Variants in SYPL1 observed in about 807,000 individuals in gnomAD.
The protein encoded by SYPL1 is synaptophysin-like protein 1.
In SYPL1, 6 loss-of-function variants were observed where a neutral mutation model predicts 23.7. That is an observed-to-expected ratio of 0.25 (90% CI 0.14 to 0.50). SYPL1 has a LOEUF of 0.50. Ranked by LOEUF, SYPL1 falls within the 20% of genes least tolerant of loss-of-function variation. The pLI is 0.98. For synonymous variants in SYPL1, 102 were observed against 104.5 expected, an observed-to-expected ratio of 0.98 and a Z score of 0.15; for missense variants, 253 against 288.9, an observed-to-expected ratio of 0.88 and a Z score of 0.90.
In SYPL1 at chr7:106,097,626, A is replaced by C. The variant is rs1840083780; in HGVS notation, c.402+64T>G. ...CACCAAGAATTTTTATTTCCAGTATAAGAAAATCTATATTTAGCTTATACA... is the reference window on the plus strand; with the variant it reads ...CACCAAGAATTTTTATTTCCAGTATCAGAAAATCTATATTTAGCTTATACA... On this transcript the variant is annotated intron_variant, in intron 3 of 4. Coordinates refer to ENST00000455385, the MANE Select transcript of SYPL1 (RefSeq NM_182715.4). This position sits in a 1 kb window ranked among gnomAD's most constrained non-coding sequence, Gnocchi z 4.6. 2 of 1,407,612 alleles carry C rather than the reference A, an allele frequency of 1.4e-6. No homozygotes were observed. The highest frequency in any genetic ancestry group is 2.3e-5 in the Admixed American group (1 of 42,834). The allele number at this position is 1,407,612 out of a possible 1,614,324, so 87.2% of individuals were successfully genotyped here.
intron 1 of SYPL1, among the ~76,000 whole-genome samples, chr7:106,108,387 T>TA (rs1167203585): frequency 6.6e-6 from 1 of 152,126 alleles, no homozygotes; most frequent in African/African-American, 2.4e-5. Context: ...AAGTAAAAAT[T>TA]AGTTTTCTTC....
chr7:106,109,378 TAACTAGTCCTTATTTTATC>T lies in SYPL1; in HGVS notation c.69+2743_69+2761del, dbSNP rs1269067170. ...TTGATTTTACTGAAACTGCTCTTGC[TAACTAGTCCTTATTTTATC>T]AACTAGTCCTTATTTTACTTTACCA... On this transcript the variant is annotated intron_variant, in intron 1 of 4. Transcript: ENST00000455385. This position sits in a 1 kb window ranked among gnomAD's most constrained non-coding sequence, Gnocchi z 4.3. 6.6e-6 allele frequency among the ~76,000 whole-genome samples: 1 copy of T among 152,252 alleles called. No individual in the cohort carries two copies. Among genetic ancestry groups the T allele is most frequent in the African/African-American group, 2.4e-5 (1 of 41,470 alleles).
In SYPL1 at chr7:106,100,160, C is replaced by T. The variant is rs568258517; in HGVS notation, c.70-878G>A. ...ACACTATTTCATGAGCCTGTTAAAC[C>T]TCCCTTGTGGGTATTTCCAGGTCTC... On this transcript the variant is annotated intron_variant, in intron 1 of 4. Transcript: ENST00000455385. The surrounding 1 kb of genome is among the most constrained non-coding windows in gnomAD (Gnocchi z 5.1). Among the ~76,000 whole-genome samples the T allele has an allele frequency of 1.3e-5, 2 of 152,300 alleles. No individual in the cohort carries two copies. The highest frequency in any genetic ancestry group is 4.1e-4 in the South Asian group (2 of 4,822).
At chr7:106,106,095 G>C (rs544135016) in intron 1 of SYPL1, among the ~76,000 whole-genome samples, 1 of 152,300 alleles carries the variant, frequency 6.6e-6, no homozygotes, top group African/African-American at 2.4e-5. Flanking sequence ...AAAATTATCA[G>C]AATAGTATCT....
intron 1 of SYPL1, among the ~76,000 whole-genome samples, chr7:106,106,355 C>G (rs1375056503): frequency 6.6e-6 from 1 of 151,786 alleles, no homozygotes; most frequent in Non-Finnish European, 1.5e-5. Context: ...CGAAACCAGC[C>G]TGGCCAACAT....
At chr7:106,101,823 A>G (rs1185237312) in intron 1 of SYPL1, among the ~76,000 whole-genome samples, 1 of 152,004 alleles carries the variant, frequency 6.6e-6, no homozygotes, top group Non-Finnish European at 1.5e-5. Flanking sequence ...AATTGAACCA[A>G]TGGAGCAGAA....
chr7:106,103,430 CTCTT>C (rs895890232), intron 1 of SYPL1, among the ~76,000 whole-genome samples: 2 of 152,300 alleles, frequency 1.3e-5, no homozygotes, highest in Middle Eastern at 3.4e-3. Flanking sequence ...ACCCAGCAGA[CTCTT>C]TCTCACATTT....
rs1176518432 is a variant in SYPL1 at position 106,109,208 on chromosome 7, T to C, written c.69+2932A>G. On this transcript the variant is annotated intron_variant, in intron 1 of 4. Coordinates refer to ENST00000455385, the MANE Select transcript of SYPL1 (RefSeq NM_182715.4). This position sits in a 1 kb window ranked among gnomAD's most constrained non-coding sequence, Gnocchi z 4.3. ...AAATACAATGGTTGTCTCCAGAGAA[T>C]GCATTTAAGCAACTGAGTTGTAAGC... Among the ~76,000 whole-genome samples the C allele has an allele frequency of 6.6e-6, 1 of 152,232 alleles. No homozygotes were observed. Among genetic ancestry groups the C allele is most frequent in the Non-Finnish European group, 1.5e-5 (1 of 68,044 alleles).
At chr7:106,102,849 CA>C (rs1423031882) in intron 1 of SYPL1, among the ~76,000 whole-genome samples, 3 of 151,876 alleles carry the variant, frequency 2.0e-5, no homozygotes, top group East Asian at 1.9e-4. Flanking sequence ...GAGCTGCACA[CA>C]AAAGTAAAAA....
chr7:106,112,312 C>A lies in SYPL1; in HGVS notation c.-104G>T. The A allele has an allele frequency of 7.6e-7, 1 of 1,313,424 alleles. No individual in the cohort carries two copies. The highest frequency in any genetic ancestry group is 9.8e-7 in the Non-Finnish European group (1 of 1,021,594). 81.4% of individuals were successfully genotyped at this position (1,313,424 alleles called of 1,614,324 possible). ...CGAGGAAGGGCAGGCGGGGCTGGCG[C>A]GCTGGCCGGGCTCGGAGGCGGGCCC... On this transcript the variant is annotated 5_prime_UTR_variant, in exon 1 of 5. Coordinates refer to ENST00000455385, the MANE Select transcript of SYPL1 (RefSeq NM_182715.4).
At position 106,091,782 on chromosome 7, in the gene SYPL1, A is replaced by T; in HGVS notation, c.*23T>A. 1 of 1,600,996 alleles carries T rather than the reference A, an allele frequency of 6.2e-7. No homozygotes were observed. The highest frequency in any genetic ancestry group is 1.1e-5 in the South Asian group (1 of 87,982). On this transcript the variant is annotated 3_prime_UTR_variant, in exon 5 of 5. Transcript: ENST00000455385. This position sits in a 1 kb window ranked among gnomAD's most constrained non-coding sequence, Gnocchi z 5.0. ...ATGTCATAGTATCAACATATACTTC[A>T]TACAGTGTATTTCTCCCTTTAATTA...
intron 4 of SYPL1, chr7:106,092,410 T>C (rs1201742813): frequency 4.6e-6 from 1 of 219,474 alleles, no homozygotes; most frequent in African/African-American, 2.4e-5. Context: ...TGGCAGCTCA[T>C]GCCAGTAATC....
At chr7:106,098,584 C>T (rs1034522828) in intron 2 of SYPL1, among the ~76,000 whole-genome samples, 6 of 152,182 alleles carry the variant, frequency 3.9e-5, no homozygotes, top group African/African-American at 1.4e-4. Flanking sequence ...AAGATTCCCA[C>T]CCTGGCTTAA....
At position 106,112,301 on chromosome 7, in the gene SYPL1, C is replaced by T; in HGVS notation, c.-93G>A. On this transcript the variant is annotated 5_prime_UTR_variant, in exon 1 of 5. Transcript: ENST00000455385. ...CAGCCCGGTGGCGAGGAAGGGCAGG[C>T]GGGGCTGGCGCGCTGGCCGGGCTCG... 1 of 1,285,364 alleles carries T rather than the reference C, an allele frequency of 7.8e-7. No individual in the cohort carries two copies. The highest frequency in any genetic ancestry group is 1.0e-6 in the Non-Finnish European group (1 of 1,001,656). The allele number at this position is 1,285,364 out of a possible 1,614,324, so 79.6% of individuals were successfully genotyped here. A position where few individuals can be genotyped will look rare whatever the true frequency, so the allele number is the denominator to read the frequency against.
chr7:106,111,705 G>A (rs1790157176), intron 1 of SYPL1: 1 of 152,956 alleles, frequency 6.5e-6, no homozygotes, highest in Non-Finnish European at 1.5e-5. Flanking sequence ...GGCTTCCCAG[G>A]GAGCTAGACC....
At chr7:106,106,080 A>G (rs1336235147) in intron 1 of SYPL1, among the ~76,000 whole-genome samples, 1 of 152,234 alleles carries the variant, frequency 6.6e-6, no homozygotes, top group African/African-American at 2.4e-5. Context: ...GTGGCACAAC[A>G]ATAAAAAATT....
intron 1 of SYPL1, among the ~76,000 whole-genome samples, chr7:106,101,831 G>C (rs1193873776): frequency 6.7e-6 from 1 of 150,132 alleles, no homozygotes; most frequent in Non-Finnish European, 1.5e-5. Context: ...CAATGGAGCA[G>C]AATAAAAAGG....
At chr7:106,107,978 T>TGA (rs1449337740) in intron 1 of SYPL1, among the ~76,000 whole-genome samples, 1 of 151,920 alleles carries the variant, frequency 6.6e-6, no homozygotes, top group Non-Finnish European at 1.5e-5. Flanking sequence ...GTGGATCACT[T>TGA]GAGGTCAGGA....
At chr7:106,106,621 G>A (rs1376478955) in intron 1 of SYPL1, among the ~76,000 whole-genome samples, 2 of 151,778 alleles carry the variant, frequency 1.3e-5, no homozygotes, top group Admixed American at 1.3e-4. Flanking sequence ...CAAGGCAGGT[G>A]ATCGTTTGAG....
Sources: gnomAD v4.1 joint callset for allele counts (sites outside exome capture counted in the v4.1 genomes callset) on GRCh38, gnomAD v4.1.1 for gene constraint, Gnocchi (gnomAD v3.1) non-coding constraint, MANE v1.5 for transcripts, NCBI Gene and HGNC (gene_info 2026-07-23, HGNC 2026-07-21) for gene names.